The following FER1L5 variants were observed in gnomAD, a reference collection of about 807,000 sequenced individuals.
FER1L5 encodes the protein fer-1 like family member 5.
Under a neutral mutation model 279.9 loss-of-function variants are expected in FER1L5, and 187 were observed. That is an observed-to-expected ratio of 0.67 (90% confidence interval 0.59 to 0.75). The LOEUF is 0.75. FER1L5 is among the 30% of genes least tolerant of loss of function. The pLI is 0.00. For synonymous variants in FER1L5, 921 were observed against 989.7 expected, an observed-to-expected ratio of 0.93 and a Z score of 1.30; for missense variants, 2,091 against 2,594.4, an observed-to-expected ratio of 0.81 and a Z score of 4.21.
chr2:96,685,467 A>T, intron 21 of FER1L5, 38 bp downstream of exon 21: 1 of 1,523,080 alleles, frequency 6.6e-7, no homozygotes, highest in Non-Finnish European at 8.9e-7. Context: ...GCTGGCCTGG[A>T]GCTGAGCCAG....
rs372604460 is a variant in FER1L5 at position 96,704,226 on chromosome 2, C to G, written c.5813C>G (p.Thr1938Ser). 2 of 1,613,856 alleles carry G rather than the reference C, an allele frequency of 1.2e-6. No individual in the cohort carries two copies. Among genetic ancestry groups the G allele is most frequent in the South Asian group, 2.2e-5 (2 of 91,080 alleles). Reference protein sequence around the residue: ...PTLHPPLRTNTSFTWLRSPVQ... With the variant: ...PTLHPPLRTNSSFTWLRSPVQ... ...TGGCTCCTGGACAGACGCACCAACA[C>G]CTCTTTCACGTGGCTGCGGTCACCA... Residue 1938 changes from threonine to serine, a missense_variant, in exon 52 of 53, where the codon ACC becomes AGC. Thr to Ser is a moderately conservative substitution (Grantham distance 58, BLOSUM62 1). Coordinates refer to ENST00000624922, the MANE Select transcript of FER1L5 (RefSeq NM_001293083.2).
At chr2:96,653,354 T>A in intron 7 of FER1L5, 1 of 375,008 alleles carries the variant, frequency 2.7e-6, no homozygotes, top group Non-Finnish European at 4.8e-6. Context: ...TCTGGAATAT[T>A]TGCATTGTAC....
In FER1L5 at chr2:96,684,580, G is replaced by A. The variant is rs1573912056; in HGVS notation, c.1794+129G>A. The stretch of plus-strand genomic sequence containing the variant: ...ATTCATGCATTCATTCCACACTGTT[G>A]AGAAGAATGTGCCAGAAGCAGGGTA... On this transcript the variant is annotated intron_variant, in intron 20 of 52. Transcript: ENST00000624922. 6 of 1,342,790 alleles carry A rather than the reference G, an allele frequency of 4.5e-6. No homozygotes were observed. The East Asian group carries it at 7.6e-5, about 17-fold the overall frequency. The allele number at this position is 1,342,790 out of a possible 1,614,324, so 83.2% of individuals were successfully genotyped here.
intron 9 of FER1L5, among the ~76,000 whole-genome samples, chr2:96,655,323 G>C (rs568473223): frequency 6.6e-6 from 1 of 152,280 alleles, no homozygotes; most frequent in Non-Finnish European, 1.5e-5. Context: ...ATCAGGAAAA[G>C]GTAGGTTGCT....
chr2:96,645,286 A>T (rs2075069014), intron 1 of FER1L5, among the ~76,000 whole-genome samples: 1 of 152,188 alleles, frequency 6.6e-6, no homozygotes, highest in South Asian at 2.1e-4. Context: ...GCTCCTACAA[A>T]TGGTAGTTTA....
intron 19 of FER1L5, among the ~76,000 whole-genome samples, chr2:96,683,347 G>A (rs1046402848): frequency 6.6e-6 from 1 of 152,122 alleles, no homozygotes; most frequent in African/African-American, 2.4e-5. Context: ...TGGGCTCACA[G>A]CTGCATCCTG....
intron 4 of FER1L5, among the ~76,000 whole-genome samples, chr2:96,648,825 T>C (rs752172160): frequency 2.0e-5 from 3 of 152,224 alleles, no homozygotes; most frequent in Non-Finnish European, 4.4e-5. Context: ...TGACTTACAA[T>C]GGATGGACAC....
At chr2:96,701,296 G>C (rs2077577047) in intron 45 of FER1L5, among the ~76,000 whole-genome samples, 1 of 152,184 alleles carries the variant, frequency 6.6e-6, no homozygotes, top group Admixed American at 6.5e-5. Flanking sequence ...GTGACAGAGG[G>C]AAACTCTGTT....
In FER1L5 at chr2:96,694,125, G is replaced by A. The variant is rs1004504623; in HGVS notation, c.3636+53G>A. 5.1e-5 allele frequency: 76 copies of A among 1,496,018 alleles called. No homozygotes were observed. Among genetic ancestry groups the A allele is most frequent in the East Asian group, 1.2e-4 (5 of 40,416 alleles). 92.7% of individuals were successfully genotyped at this position (1,496,018 alleles called of 1,614,324 possible). A position where few individuals can be genotyped will look rare whatever the true frequency, so the allele number is the denominator to read the frequency against. ...AGTGTGGCACTCAGTGCCCCTCCCC[G>A]TCCCACCCCCAGCCAGCGGGGGCCA... On this transcript the variant is annotated intron_variant, in intron 33 of 52. Coordinates refer to ENST00000624922, the MANE Select transcript of FER1L5 (RefSeq NM_001293083.2). The surrounding 1 kb of genome is among the most constrained non-coding windows in gnomAD (Gnocchi z 4.6).
At chr2:96,652,102 G>T in intron 7 of FER1L5, 82 bp downstream of exon 7, 1 of 1,533,132 alleles carries the variant, frequency 6.5e-7, no homozygotes, top group African/African-American at 1.4e-5. Context: ...CTTGCTCCTT[G>T]ACTAGGGTGT....
rs780001931 is a variant in FER1L5 at position 96,700,466 on chromosome 2, G to T, written c.5065G>T (p.Asp1689Tyr). 6.2e-7 allele frequency: 1 copy of T among 1,613,156 alleles called. No homozygotes were observed. Residue 1689 changes from aspartate (D) to tyrosine (Y), a missense_variant, in exon 45 of 53, where the codon GAC (aspartate) becomes TAC (tyrosine). Physicochemically the swap from Asp to Tyr is radical, Grantham distance 160 (BLOSUM62 -3). Coordinates refer to ENST00000624922, the MANE Select transcript of FER1L5 (RefSeq NM_001293083.2). ...TLYSHSQPGI[D>Y]QGKVQMWVDI... Reference sequence around the variant, plus strand: ...GTACAGCCACAGCCAGCCAGGCATCGACCAGGTATGAGACTGGAGGGGCCA... The same window carrying T: ...GTACAGCCACAGCCAGCCAGGCATCTACCAGGTATGAGACTGGAGGGGCCA...
chr2:96,647,962 A>G, intron 4 of FER1L5, 76 bp downstream of exon 4: 3 of 1,192,698 alleles, frequency 2.5e-6, no homozygotes, highest in South Asian at 1.3e-5. Context: ...CCACACCACA[A>G]GAGTGCTTCC....
At chr2:96,685,027 T>C (rs1573913724) in intron 20 of FER1L5, among the ~76,000 whole-genome samples, 1 of 99,336 alleles carries the variant, frequency 1.0e-5, no homozygotes, top group Non-Finnish European at 2.3e-5. Flanking sequence ...GGGAGCCACC[T>C]GGGGCTGGCA....
chr2:96,652,472 T>G, intron 7 of FER1L5: 1 of 167,992 alleles, frequency 6.0e-6, no homozygotes. Context: ...AGTAAGTGAG[T>G]AATGAGGCTG....
rs933005624 is a variant in FER1L5, at chr2:96,686,341, C to T, written c.2220C>T (p.Leu740=). Residue 740 remains leucine, a synonymous_variant, in exon 23 of 53, where the codon CTC becomes CTT. Transcript: ENST00000624922. Reference sequence around the variant, plus strand: ...GGCTCTGTGGGAAGATACAGACACTCTTCCTACAGGTGGGAATCAGGGACT... The same window carrying T: ...GGCTCTGTGGGAAGATACAGACACTTTTCCTACAGGTGGGAATCAGGGACT... ...SGRLCGKIQT[L]FLQYPEGEGQ... is the part of the protein sequence containing the mutation. The T allele has an allele frequency of 1.9e-6, 3 of 1,550,846 alleles. No individual in the cohort carries two copies. The highest frequency in any genetic ancestry group is 3.9e-5 in the Admixed American group (2 of 50,940).
rs2075487086 is a variant in FER1L5, at chr2:96,653,895, A to G, written c.696+193A>G. On this transcript the variant is annotated intron_variant, in intron 8 of 52. Transcript: ENST00000624922. ...CTCATTTATTCAACAAATGTTGTGG[A>G]TTGCCAACTGCCAGGCCCTGAACTG... is the stretch of plus-strand genomic sequence containing the variant. 5.2e-6 allele frequency: 3 copies of G among 572,674 alleles called. No individual in the cohort carries two copies. The Admixed American group carries it at 9.8e-5, about 19-fold the overall frequency. The allele number at this position is 572,674 out of a possible 1,614,324, so 35.5% of individuals were successfully genotyped here.
chr2:96,689,696 G>A lies in FER1L5; in HGVS notation c.2578G>A (p.Glu860Lys). Residue 860 changes from glutamate (E) to lysine (K), a missense_variant, in exon 26 of 53, where the codon GAG (glutamate) becomes AAG (lysine). Glu to Lys is a moderately conservative substitution (Grantham distance 56). Transcript: ENST00000624922. This position sits in a 1 kb window ranked among gnomAD's most constrained non-coding sequence, Gnocchi z 4.6. Reference protein sequence around the residue: ...NKSQVLEEVYENQGRDTRGAW... With the variant: ...NKSQVLEEVYKNQGRDTRGAW... Reference sequence around the variant, plus strand: ...GAGCCAGGTGCTGGAGGAGGTATATGAGAACCAGGGCCGTGACACCAGAGG... The same window carrying A: ...GAGCCAGGTGCTGGAGGAGGTATATAAGAACCAGGGCCGTGACACCAGAGG... 1 of 1,550,998 alleles carries A rather than the reference G, an allele frequency of 6.4e-7. No individual in the cohort carries two copies.
At chr2:96,659,474 T>TTTCTTTCC in intron 9 of FER1L5, among the ~76,000 whole-genome samples, 1 of 29,676 alleles carries the variant, frequency 3.4e-5, no homozygotes, top group East Asian at 7.9e-4. Flanking sequence ...TCTTTCTTTC[T>TTTCTTTCC]TTCTTTCTTT....
At position 96,653,507 on chromosome 2, in the gene FER1L5, T is replaced by C. The variant is rs115401742; in HGVS notation, c.634-133T>C. 5,375 of 712,700 alleles carry C rather than the reference T, an allele frequency of 7.5e-3. 219 individuals carry two copies. In the African/African-American group the frequency reaches 0.085, roughly 11 times the overall value. The allele number at this position is 712,700 out of a possible 1,614,324, so 44.1% of individuals were successfully genotyped here. A position where few individuals can be genotyped will look rare whatever the true frequency, so the allele number is the denominator to read the frequency against. On this transcript the variant is annotated intron_variant, in intron 7 of 52. Transcript: ENST00000624922. ...ATTTTTGGATTAGGAATACTCAGCCTGTACTTGTAAACCCATTGAAATGGG... is the reference window on the plus strand; with the variant it reads ...ATTTTTGGATTAGGAATACTCAGCCCGTACTTGTAAACCCATTGAAATGGG...
Sources: allele counts gnomAD v4.1 joint callset (sites outside exome capture counted in the v4.1 genomes callset), GRCh38; gene constraint gnomAD v4.1.1; non-coding constraint Gnocchi (gnomAD v3.1); transcripts MANE v1.5; gene names NCBI Gene and HGNC (gene_info 2026-07-23, HGNC 2026-07-21).